The following ZNF566 variants were observed in gnomAD, a reference collection of about 807,000 sequenced individuals.
The protein encoded by ZNF566 is zinc finger protein 566.
In ZNF566, 27 loss-of-function variants were observed where a neutral mutation model predicts 32.8. The ratio of observed to expected loss-of-function variants is 0.82; its 90% CI spans 0.61 to 1.14. The LOEUF is 1.14. ZNF566 is among the 50% of genes most tolerant of loss of function. ZNF566 has a pLI of 0.00. For missense variants in ZNF566, 402 were observed against 490.4 expected, an observed-to-expected ratio of 0.82 and a Z score of 1.70; for synonymous variants, 154 against 159.5, an observed-to-expected ratio of 0.97 and a Z score of 0.26.
chr19:36,477,070 G>A (rs1303233401), intron 1 of ZNF566, among the ~76,000 whole-genome samples: 1 of 151,986 alleles, frequency 6.6e-6, no homozygotes, highest in African/African-American at 2.4e-5. Context: ...GAGTGCAGTG[G>A]TGCAATCTTG....
At chr19:36,465,132 C>T (rs982964603) in intron 4 of ZNF566, among the ~76,000 whole-genome samples, 2 of 151,836 alleles carry the variant, frequency 1.3e-5, no homozygotes, top group Non-Finnish European at 2.9e-5. Context: ...GACCAATAAA[C>T]ATATGGAAAG....
chr19:36,461,269 C>G (rs2033454394), intron 4 of ZNF566, among the ~76,000 whole-genome samples: 2 of 152,208 alleles, frequency 1.3e-5, no homozygotes, highest in South Asian at 4.1e-4. Context: ...ACTGTAGGGG[C>G]AGCACCAAAC....
Position 36,447,781 on chromosome 19 carries a change from T to G in ZNF566, c.*1196A>C, listed in dbSNP as rs1273321962. ...CCCCCCAACACCTAGGATTATTTCA[T>G]GTTCAATAGTAAGTACATGATGATG... On this transcript the variant is annotated 3_prime_UTR_variant, in exon 5 of 5. Coordinates refer to ENST00000452939, the MANE Select transcript of ZNF566 (RefSeq NM_001145344.1). 6.6e-6 allele frequency: 1 copy of G among 152,202 alleles called. No individual in the cohort carries two copies. Among genetic ancestry groups the G allele is most frequent in the Non-Finnish European group, 1.5e-5 (1 of 68,028 alleles). The allele number at this position is 152,202 out of a possible 1,614,324, so 9.4% of individuals were successfully genotyped here.
chr19:36,459,450 T>G (rs1274233673), intron 4 of ZNF566, among the ~76,000 whole-genome samples: 1 of 151,638 alleles, frequency 6.6e-6, no homozygotes, highest in Non-Finnish European at 1.5e-5. Context: ...CCTGACCGTG[T>G]GATCCACCCA....
In ZNF566 at chr19:36,447,914, A is replaced by C. The variant is rs1480539134; in HGVS notation, c.*1063T>G. The C allele has an allele frequency of 6.6e-6, 1 of 152,176 alleles. No individual in the cohort carries two copies. The highest frequency in any genetic ancestry group is 1.5e-5 in the Non-Finnish European group (1 of 68,014). The allele number at this position is 152,176 out of a possible 1,614,324, so 9.4% of individuals were successfully genotyped here. ...TTAAAAAGCCTTTCTACAAATAATA[A>C]TACTGATGATGATGAATATAATAAC... On this transcript the variant is annotated 3_prime_UTR_variant, in exon 5 of 5. Transcript: ENST00000452939.
At chr19:36,473,163 CA>C in intron 3 of ZNF566, 157 bp from the exon 4 acceptor site, 1 of 1,069,696 alleles carries the variant, frequency 9.3e-7, no homozygotes. Flanking sequence ...AAAACATCCC[CA>C]AAAACTCAAT....
chr19:36,487,679 G>A (rs2034200567), intron 1 of ZNF566, among the ~76,000 whole-genome samples: 2 of 152,032 alleles, frequency 1.3e-5, no homozygotes, highest in Non-Finnish European at 1.5e-5. Context: ...AGGCCAAGGT[G>A]GGCGGATCAC....
Position 36,459,877 on chromosome 19 carries a change from G to C in ZNF566, c.233-9876C>G, listed in dbSNP as rs2033418016. ...TCTGTTGCCCAGGTGAGAGTACAGT[G>C]GCGTGATCTCAGCTCACTGCAACTT... On this transcript the variant is annotated intron_variant, in intron 4 of 4. Coordinates refer to ENST00000452939, the MANE Select transcript of ZNF566 (RefSeq NM_001145344.1). Among the ~76,000 whole-genome samples, 3 of 149,066 alleles carry C rather than the reference G, an allele frequency of 2.0e-5. No homozygotes were observed. In the South Asian group the frequency reaches 6.4e-4, roughly 32 times the overall value.
At position 36,448,496 on chromosome 19, in the gene ZNF566, G is replaced by A. The variant is rs996662097; in HGVS notation, c.*481C>T. 6.6e-6 allele frequency: 1 copy of A among 152,106 alleles called. No homozygotes were observed. Among genetic ancestry groups the A allele is most frequent in the Non-Finnish European group, 1.5e-5 (1 of 68,068 alleles). The allele number at this position is 152,106 out of a possible 1,614,324, so 9.4% of individuals were successfully genotyped here. ...ATAAGCCATCTTCAAAAATAAAGAG[G>A]TCACTTCTCCCAGGTACTAAAGGTA... On this transcript the variant is annotated 3_prime_UTR_variant, in exon 5 of 5. Transcript: ENST00000452939.
chr19:36,455,627 T>C (rs3111553), intron 4 of ZNF566, among the ~76,000 whole-genome samples: 39,336 of 151,816 alleles, frequency 0.26, 5,173 homozygotes, highest in South Asian at 0.37. Context: ...GTAATCCCAG[T>C]TACTCAGGAG....
chr19:36,487,415 A>G (rs1351602229), intron 1 of ZNF566, among the ~76,000 whole-genome samples: 1 of 152,234 alleles, frequency 6.6e-6, no homozygotes, highest in Non-Finnish European at 1.5e-5. Context: ...CATTTGTAAC[A>G]GCCCCAAATT....
In ZNF566 at chr19:36,448,962, A is replaced by G. The variant is rs201254175; in HGVS notation, c.*15T>C. On this transcript the variant is annotated 3_prime_UTR_variant, in exon 5 of 5. Coordinates refer to ENST00000452939, the MANE Select transcript of ZNF566 (RefSeq NM_001145344.1). ...AATTAAAAGCCTCCCTACACATTTC[A>G]TATATTCTGTTTCATCACCAGTACA... 3.2e-6 allele frequency: 5 copies of G among 1,550,672 alleles called. No individual in the cohort carries two copies. In the African/African-American group the frequency reaches 4.1e-5, roughly 13 times the overall value.
intron 1 of ZNF566, among the ~76,000 whole-genome samples, chr19:36,480,979 G>A (rs2034015063): frequency 6.6e-6 from 1 of 151,904 alleles, no homozygotes; most frequent in Non-Finnish European, 1.5e-5. Flanking sequence ...GGAGACAGAG[G>A]TTGCAGTAAG....
intron 1 of ZNF566, among the ~76,000 whole-genome samples, chr19:36,488,900 AC>A (rs2034238762): frequency 6.6e-6 from 1 of 152,150 alleles, no homozygotes; most frequent in Admixed American, 6.5e-5. Context: ...TCACACTCCC[AC>A]CATGGGGACA....
chr19:36,475,819 GA>G (rs1434071268), intron 2 of ZNF566, among the ~76,000 whole-genome samples: 1 of 151,996 alleles, frequency 6.6e-6, no homozygotes. Context: ...TTCCAAACCT[GA>G]TCTGGGTCAG....
intron 1 of ZNF566, among the ~76,000 whole-genome samples, chr19:36,478,208 A>T (rs1600173349): frequency 6.6e-6 from 1 of 152,118 alleles, no homozygotes; most frequent in East Asian, 1.9e-4. Context: ...CTCTTCTTTA[A>T]AACCTAAATG....
At chr19:36,467,790 CAAAAAAAAAAAAAAAAAAAAAAA>C (rs560803094) in intron 4 of ZNF566, among the ~76,000 whole-genome samples, 1 of 85,918 alleles carries the variant, frequency 1.2e-5, no homozygotes, top group Non-Finnish European at 2.1e-5. Flanking sequence ...GACTCCATCT[CAAAAAAAAAAAAAAAAAAAAAAA>C]AAAAAAAAAA....
chr19:36,457,495 A>C (rs905927916), intron 4 of ZNF566, among the ~76,000 whole-genome samples: 2 of 152,218 alleles, frequency 1.3e-5, no homozygotes, highest in African/African-American at 4.8e-5. Context: ...CAATTAAAAA[A>C]TGGGCATTTC....
intron 4 of ZNF566, among the ~76,000 whole-genome samples, chr19:36,460,184 C>G (rs959644185): frequency 1.3e-5 from 2 of 151,952 alleles, no homozygotes; most frequent in Non-Finnish European, 2.9e-5. Flanking sequence ...CAAAATCACT[C>G]AACATATGAA....
Sources: allele counts gnomAD v4.1 joint callset (sites outside exome capture counted in the v4.1 genomes callset), GRCh38; gene constraint gnomAD v4.1.1; transcripts MANE v1.5; gene names NCBI Gene and HGNC (gene_info 2026-07-23, HGNC 2026-07-21).